The following WDR72 variants were observed in gnomAD, a reference collection of about 807,000 sequenced individuals.
The protein encoded by WDR72 is WD repeat domain 72.
Under a neutral mutation model 124.2 loss-of-function variants are expected in WDR72, and 120 were observed. That is an observed-to-expected ratio of 0.97 (90% CI 0.83 to 1.12). The LOEUF is 1.12. WDR72 is among the 50% of genes most tolerant of loss of function. The pLI is 0.00. For missense variants in WDR72, 1,387 were observed against 1,278.8 expected (o/e 1.08, Z -1.29); for synonymous variants, 452 against 441.7 (o/e 1.02, Z -0.29).
chr15:53,616,326 A>G, intron 14 of WDR72, 83 bp from the exon 15 acceptor site: 7 of 1,233,484 alleles, frequency 5.7e-6, no homozygotes, highest in Non-Finnish European at 8.1e-6. Context: ...GGCATTTTTA[A>G]AAAGTATTAC....
At chr15:53,595,281 C>T (rs1213204381) in intron 18 of WDR72, among the ~76,000 whole-genome samples, 1 of 146,476 alleles carries the variant, frequency 6.8e-6, no homozygotes, top group African/African-American at 2.7e-5. Context: ...AAATTCTATA[C>T]TATCAACAGT....
chr15:53,545,283 C>G (rs1893387845), intron 18 of WDR72, among the ~76,000 whole-genome samples: 1 of 151,450 alleles, frequency 6.6e-6, no homozygotes, highest in Non-Finnish European at 1.5e-5. Flanking sequence ...CTACAGTAAC[C>G]AAAACAGCAT....
intron 18 of WDR72, among the ~76,000 whole-genome samples, chr15:53,527,442 C>T (rs1892188493): frequency 1.3e-5 from 2 of 152,016 alleles, no homozygotes; most frequent in African/African-American, 4.8e-5. Context: ...AGTCTCCATC[C>T]ACGTCCACAA....
chr15:53,591,762 T>A (rs1452817871), intron 18 of WDR72, among the ~76,000 whole-genome samples: 1 of 151,696 alleles, frequency 6.6e-6, no homozygotes, highest in African/African-American at 2.4e-5. Context: ...TAAGTTAAGT[T>A]TGGCAATGCC....
At chr15:53,648,263 C>T (rs1396803500) in intron 14 of WDR72, among the ~76,000 whole-genome samples, 1 of 152,100 alleles carries the variant, frequency 6.6e-6, no homozygotes, top group Non-Finnish European at 1.5e-5. Flanking sequence ...TTATTTCCTT[C>T]CATTTGTTTT....
chr15:53,677,699 C>A (rs1262841625), intron 13 of WDR72, among the ~76,000 whole-genome samples: 1 of 152,162 alleles, frequency 6.6e-6, no homozygotes, highest in Admixed American at 6.5e-5. Context: ...CCTCCCCAGA[C>A]ACGTGGAACT....
intron 13 of WDR72, among the ~76,000 whole-genome samples, chr15:53,694,633 G>A (rs1166353447): frequency 2.0e-5 from 3 of 152,144 alleles, no homozygotes; most frequent in African/African-American, 4.8e-5. Context: ...TGCATTGCAC[G>A]ATAAGTGAAG....
At chr15:53,666,642 AT>A (rs1428728844) in intron 13 of WDR72, among the ~76,000 whole-genome samples, 1 of 152,186 alleles carries the variant, frequency 6.6e-6, no homozygotes, top group Non-Finnish European at 1.5e-5. Context: ...CAATACCTAA[AT>A]ACAGACTTCA....
At chr15:53,685,361 C>A (rs2016580172) in intron 13 of WDR72, among the ~76,000 whole-genome samples, 1 of 128,048 alleles carries the variant, frequency 7.8e-6, no homozygotes, top group Non-Finnish European at 1.6e-5. Context: ...CAGAGAAGTG[C>A]TTAAAGGAGC....
chr15:53,614,592 A>G (rs781745285), intron 15 of WDR72, among the ~76,000 whole-genome samples: 5 of 152,108 alleles, frequency 3.3e-5, no homozygotes, highest in Non-Finnish European at 5.9e-5. Context: ...AAAGTGCACC[A>G]GACATCAGAC....
At chr15:53,599,276 T>G (rs2140342719) in intron 17 of WDR72, among the ~76,000 whole-genome samples, 1 of 152,260 alleles carries the variant, frequency 6.6e-6, no homozygotes, top group South Asian at 2.1e-4. Flanking sequence ...GATGAACAAT[T>G]TTATAACACT....
chr15:53,644,643 C>A (rs1367493681), intron 14 of WDR72, among the ~76,000 whole-genome samples: 2 of 152,046 alleles, frequency 1.3e-5, no homozygotes, highest in Non-Finnish European at 2.9e-5. Flanking sequence ...ACGTGTAAAT[C>A]GAACAGCAAG....
chr15:53,539,401 G>T (rs1202958837), intron 18 of WDR72, among the ~76,000 whole-genome samples: 1 of 152,052 alleles, frequency 6.6e-6, no homozygotes, highest in African/African-American at 2.4e-5. Flanking sequence ...AAAAATGCAG[G>T]TGATCAGAGG....
intron 1 of WDR72, among the ~76,000 whole-genome samples, chr15:53,741,577 C>T (rs1364373309): frequency 6.6e-6 from 1 of 152,070 alleles, no homozygotes. Flanking sequence ...TAAACAAAAG[C>T]ATATGGGCAA....
At chr15:53,627,165 A>C (rs1216874358) in intron 14 of WDR72, among the ~76,000 whole-genome samples, 1 of 152,240 alleles carries the variant, frequency 6.6e-6, no homozygotes, top group Non-Finnish European at 1.5e-5. Flanking sequence ...GTTTCTCCTA[A>C]GATGACATTA....
intron 3 of WDR72, 145 bp downstream of exon 3, chr15:53,722,657 A>C: frequency 8.3e-6 from 6 of 724,880 alleles, no homozygotes; most frequent in Non-Finnish European, 1.5e-5. Context: ...CAAGTTATTC[A>C]AACTTTCTAT....
chr15:53,757,700 CATT>C lies in WDR72; in HGVS notation c.-13+1930_-13+1932del, dbSNP rs577137354. Among the ~76,000 whole-genome samples, 75 of 152,186 alleles carry C rather than the reference CATT, an allele frequency of 4.9e-4. 1 individual carries two copies. The highest frequency in any genetic ancestry group is 1.7e-3 in the African/African-American group (69 of 41,506). On this transcript the variant is annotated intron_variant, in intron 1 of 19. Coordinates refer to ENST00000360509, the MANE Select transcript of WDR72 (RefSeq NM_182758.4). Reference sequence around the variant, plus strand: ...AAAGGACATCCTCTATTGTGAGCAACATTATTACTAACATTATTATTATTAAAT... The same window carrying C: ...AAAGGACATCCTCTATTGTGAGCAACATTACTAACATTATTATTATTAAAT...
chr15:53,678,353 T>C (rs1007130373), intron 13 of WDR72, among the ~76,000 whole-genome samples: 3 of 152,210 alleles, frequency 2.0e-5, no homozygotes, highest in Non-Finnish European at 4.4e-5. Flanking sequence ...ATTGATAGTA[T>C]TGGGGCTAAG....
chr15:53,528,633 T>G (rs1230957031), intron 18 of WDR72, among the ~76,000 whole-genome samples: 1 of 152,048 alleles, frequency 6.6e-6, no homozygotes, highest in Non-Finnish European at 1.5e-5. Flanking sequence ...TTTTGTATTA[T>G]TACCTAGATG....
Sources: gnomAD v4.1 joint callset for allele counts (sites outside exome capture counted in the v4.1 genomes callset) on GRCh38, gnomAD v4.1.1 for gene constraint, MANE v1.5 for transcripts, NCBI Gene and HGNC (gene_info 2026-07-23, HGNC 2026-07-21) for gene names.